FAT3: variants seen among roughly 807,000 people sequenced by gnomAD.
FAT3 encodes the protein protocadherin Fat 3.
In FAT3, 95 loss-of-function variants were observed where a neutral mutation model predicts 310.2. That is an observed-to-expected ratio of 0.31 (90% CI 0.26 to 0.36). The LOEUF (loss-of-function observed/expected upper bound fraction) is 0.36. Among genes scored for constraint, FAT3 ranks in the 10% least tolerant of loss-of-function variants. The probability of loss-of-function intolerance (pLI) is 1.00; values close to 1 mark genes in which losing one functional copy is unlikely to be tolerated. For missense variants in FAT3, 5,408 were observed against 5,715.6 expected (o/e 0.95, Z 1.74); for synonymous variants, 2,314 against 2,192.9 (o/e 1.06, Z -1.54).
At chr11:92,518,913 G>C (rs1953589534) in intron 2 of FAT3, among the ~76,000 whole-genome samples, 1 of 151,948 alleles carries the variant, frequency 6.6e-6, no homozygotes, top group Non-Finnish European at 1.5e-5. Flanking sequence ...AATACATAAA[G>C]ATAAATACCA....
chr11:92,366,132 G>C (rs930191439), intron 2 of FAT3, among the ~76,000 whole-genome samples: 1 of 152,090 alleles, frequency 6.6e-6, no homozygotes, highest in Non-Finnish European at 1.5e-5. Flanking sequence ...GGAGCAGATC[G>C]GCTCTCTTGC....
chr11:92,822,455 T>TC (rs1232381602), intron 13 of FAT3, among the ~76,000 whole-genome samples: 1 of 152,022 alleles, frequency 6.6e-6, no homozygotes, highest in Non-Finnish European at 1.5e-5. Flanking sequence ...CTGCAGAAAA[T>TC]CCAAGGACCC....
At chr11:92,416,846 A>C (rs1206732266) in intron 2 of FAT3, among the ~76,000 whole-genome samples, 2 of 152,166 alleles carry the variant, frequency 1.3e-5, no homozygotes, top group African/African-American at 4.8e-5. Flanking sequence ...ACAGATGCAG[A>C]TCTGTCCACA....
At chr11:92,284,183 C>A (rs1437705711) in intron 1 of FAT3, among the ~76,000 whole-genome samples, 1 of 151,798 alleles carries the variant, frequency 6.6e-6, no homozygotes, top group East Asian at 1.9e-4. Flanking sequence ...GACATTTGAG[C>A]TGACTTGATG....
chr11:92,298,832 G>A (rs1946918660), intron 1 of FAT3, among the ~76,000 whole-genome samples: 1 of 152,122 alleles, frequency 6.6e-6, no homozygotes, highest in Admixed American at 6.6e-5. Flanking sequence ...GACAGATGGA[G>A]CTCCCTGGCT....
intron 2 of FAT3, chr11:92,400,537 G>T (rs1396019918): frequency 1.3e-5 from 2 of 151,940 alleles, no homozygotes; most frequent in Non-Finnish European, 2.9e-5. Flanking sequence ...CTGTAGTTTG[G>T]CAATAAAAGG....
In FAT3 at chr11:92,790,191, C is replaced by G. The variant is rs112079555; in HGVS notation, c.4584C>G (p.Ala1528=). Residue 1528 remains alanine, a synonymous_variant, in exon 8 of 28, where the codon GCC becomes GCG. Coordinates refer to ENST00000525166, the MANE Select transcript of FAT3 (RefSeq NM_001367949.2). ...LYTAERLDHE[A]QDKHILNIMV... The stretch of plus-strand genomic sequence containing the variant: ...CTGCCGAGAGGCTGGACCATGAGGC[C>G]CAGGACAAGCACATTCTCAACATAA... 4 of 1,613,450 alleles carry G rather than the reference C, an allele frequency of 2.5e-6. No homozygotes were observed. The East Asian group carries it at 8.9e-5, about 36-fold the overall frequency.
chr11:92,775,107 G>A (rs1040613092), intron 7 of FAT3, among the ~76,000 whole-genome samples: 3 of 152,122 alleles, frequency 2.0e-5, no homozygotes, highest in African/African-American at 7.2e-5. Context: ...ACCCCAGAAG[G>A]CATCACTAAT....
chr11:92,366,505 G>A, intron 2 of FAT3: 1 of 468,986 alleles, frequency 2.1e-6, no homozygotes, highest in South Asian at 1.6e-5. Flanking sequence ...CTCACTTCTT[G>A]GCCTTACCCT....
chr11:92,353,396 G>C lies in FAT3; in HGVS notation c.1284G>C (p.Leu428=). 2 of 1,613,482 alleles carry C rather than the reference G, an allele frequency of 1.2e-6. No individual in the cohort carries two copies. The highest frequency in any genetic ancestry group is 2.2e-5 in the East Asian group (1 of 44,862). The part of the protein sequence containing the change: ...VYFKINPRSG[L]IVTARPLNTV... Reference sequence around the variant, plus strand: ...TTAAAATTAATCCTCGGTCGGGTCTGATTGTTACAGCACGGCCACTGAATA... The same window carrying C: ...TTAAAATTAATCCTCGGTCGGGTCTCATTGTTACAGCACGGCCACTGAATA... The change falls in exon 2 of 28, where the codon CTG becomes CTC. Residue 428 remains leucine (L), a synonymous_variant. Coordinates refer to ENST00000525166, the MANE Select transcript of FAT3 (RefSeq NM_001367949.2).
At chr11:92,763,787 C>T (rs949560831) in intron 5 of FAT3, among the ~76,000 whole-genome samples, 2 of 152,126 alleles carry the variant, frequency 1.3e-5, no homozygotes, top group Non-Finnish European at 2.9e-5. Flanking sequence ...CTCCTGAGAG[C>T]ACTTCCCCAC....
chr11:92,889,306 G>A, intron 26 of FAT3, 58 bp downstream of exon 26: 1 of 656,386 alleles, frequency 1.5e-6, no homozygotes, highest in East Asian at 2.9e-5. Context: ...TGTTACTTTG[G>A]ACTAGGAGTG....
chr11:92,816,740 C>T (rs755709265), intron 13 of FAT3, among the ~76,000 whole-genome samples: 11 of 152,034 alleles, frequency 7.2e-5, no homozygotes, highest in Middle Eastern at 3.2e-3. Context: ...CTTTGGGAGG[C>T]GGAGGCGGGC....
chr11:92,308,727 T>C (rs1160547159), intron 1 of FAT3, among the ~76,000 whole-genome samples: 1 of 152,190 alleles, frequency 6.6e-6, no homozygotes, highest in Non-Finnish European at 1.5e-5. Context: ...ACTTCAAAAC[T>C]TTATTAGACC....
intron 3 of FAT3, among the ~76,000 whole-genome samples, chr11:92,679,596 A>G (rs934065239): frequency 6.6e-6 from 1 of 152,028 alleles, no homozygotes; most frequent in East Asian, 1.9e-4. Flanking sequence ...TAATCCCAGA[A>G]CTTTGGGAGT....
chr11:92,323,595 T>C (rs951381646), intron 1 of FAT3, among the ~76,000 whole-genome samples: 2 of 151,208 alleles, frequency 1.3e-5, no homozygotes, highest in Admixed American at 1.3e-4. Context: ...CTTTTTTTTT[T>C]TTTTTTCTGA....
intron 4 of FAT3, among the ~76,000 whole-genome samples, chr11:92,727,542 GA>G (rs1185533937): frequency 6.6e-6 from 1 of 152,082 alleles, no homozygotes; most frequent in Non-Finnish European, 1.5e-5. Context: ...TTATATAATA[GA>G]AAATGCAGTC....
intron 8 of FAT3, among the ~76,000 whole-genome samples, chr11:92,791,618 G>A (rs1400262229): frequency 3.3e-5 from 5 of 152,168 alleles, no homozygotes; most frequent in Non-Finnish European, 7.3e-5. Flanking sequence ...TCCTAGCTAA[G>A]CCTTTTAGTC....
Position 92,895,374 on chromosome 11 carries a change from G to A in FAT3, c.*4261G>A, listed in dbSNP as rs1384455472. On this transcript the variant is annotated 3_prime_UTR_variant, in exon 28 of 28. Coordinates refer to ENST00000525166, the MANE Select transcript of FAT3 (RefSeq NM_001367949.2). Reference sequence around the variant, plus strand: ...GTTTAAAGTCACCATTTGTGGGTTTGGCATCAATTAATATTTAGCCAGCTG... The same window carrying A: ...GTTTAAAGTCACCATTTGTGGGTTTAGCATCAATTAATATTTAGCCAGCTG... 6.6e-6 allele frequency: 1 copy of A among 152,150 alleles called. No homozygotes were observed. The highest frequency in any genetic ancestry group is 1.5e-5 in the Non-Finnish European group (1 of 68,036). 9.4% of individuals were successfully genotyped at this position (152,150 alleles called of 1,614,324 possible).
Sources: gnomAD v4.1 joint callset for allele counts (sites outside exome capture counted in the v4.1 genomes callset) on GRCh38, gnomAD v4.1.1 for gene constraint, MANE v1.5 for transcripts, NCBI Gene and HGNC (gene_info 2026-07-23, HGNC 2026-07-21) for gene names.